LIMD1: variants seen among roughly 807,000 people sequenced by gnomAD.
The protein encoded by LIMD1 is LIM domain-containing protein 1.
LIMD1 carries 23 observed loss-of-function variants against 58.4 expected under a neutral mutation model. That is an observed-to-expected ratio of 0.39 (90% confidence interval 0.28 to 0.56). LIMD1 has a LOEUF of 0.56. LIMD1 is among the 20% of genes least tolerant of loss of function. The probability of loss-of-function intolerance (pLI) is 0.57; values close to 1 mark genes in which losing one functional copy is unlikely to be tolerated. For missense variants in LIMD1, 838 were observed against 855.5 expected, an observed-to-expected ratio of 0.98 and a Z score of 0.25; for synonymous variants, 334 against 345.5, an observed-to-expected ratio of 0.97 and a Z score of 0.37.
intron 7 of LIMD1, among the ~76,000 whole-genome samples, chr3:45,675,446 T>A (rs1697654547): frequency 6.6e-6 from 1 of 152,112 alleles, no homozygotes; most frequent in South Asian, 2.1e-4. Context: ...GGAGAATTGC[T>A]TGAACCTGGG....
chr3:45,669,797 A>G (rs961125232), intron 4 of LIMD1, among the ~76,000 whole-genome samples: 3 of 152,190 alleles, frequency 2.0e-5, no homozygotes, highest in Non-Finnish European at 2.9e-5. Context: ...ATATAGCACA[A>G]TTTATTTCTC....
At chr3:45,672,556 C>G (rs1697600337) in intron 4 of LIMD1, 134 bp from the exon 5 acceptor site, 4 of 975,388 alleles carry the variant, frequency 4.1e-6, no homozygotes, top group Non-Finnish European at 6.2e-6. Flanking sequence ...TTGCTCTTCT[C>G]CTAGGTGAAA....
chr3:45,642,214 C>T (rs915472045), intron 2 of LIMD1, among the ~76,000 whole-genome samples: 7 of 150,560 alleles, frequency 4.6e-5, no homozygotes, highest in Non-Finnish European at 8.9e-5. Context: ...CTTGCTCTGT[C>T]GTACAAGCTG....
At chr3:45,629,450 C>T (rs1026147469) in intron 1 of LIMD1, among the ~76,000 whole-genome samples, 10 of 149,974 alleles carry the variant, frequency 6.7e-5, no homozygotes, top group African/African-American at 2.5e-4. Context: ...AGAAATGTCA[C>T]AACATACTGA....
At chr3:45,654,383 GGTGA>G (rs1186921767) in intron 2 of LIMD1, among the ~76,000 whole-genome samples, 2 of 152,128 alleles carry the variant, frequency 1.3e-5, no homozygotes, top group Non-Finnish European at 2.9e-5. Context: ...AAGGAAGAGT[GGTGA>G]GTATTATTGC....
intron 2 of LIMD1, among the ~76,000 whole-genome samples, chr3:45,658,670 C>G (rs541704532): frequency 6.7e-6 from 1 of 149,558 alleles, no homozygotes; most frequent in African/African-American, 2.4e-5. Flanking sequence ...ATTCTCCTGC[C>G]TCAGCCTCCT....
At chr3:45,665,260 C>T (rs2125668630) in intron 2 of LIMD1, among the ~76,000 whole-genome samples, 1 of 152,098 alleles carries the variant, frequency 6.6e-6, no homozygotes, top group East Asian at 1.9e-4. Flanking sequence ...AGGTGACTGT[C>T]ATAAATGCCT....
intron 1 of LIMD1, among the ~76,000 whole-genome samples, chr3:45,623,357 G>A (rs1428883880): frequency 6.6e-6 from 1 of 152,184 alleles, no homozygotes; most frequent in Non-Finnish European, 1.5e-5. Flanking sequence ...GGAGTTGGGG[G>A]TGGGGTGCAG....
At chr3:45,618,339 A>G (rs1158846835) in intron 1 of LIMD1, among the ~76,000 whole-genome samples, 2 of 152,172 alleles carry the variant, frequency 1.3e-5, no homozygotes, top group African/African-American at 4.8e-5. Context: ...GCTCAGGTCA[A>G]AAGGGTGGCT....
intron 1 of LIMD1, among the ~76,000 whole-genome samples, chr3:45,625,913 T>C (rs1367508526): frequency 1.3e-5 from 2 of 152,210 alleles, no homozygotes; most frequent in Non-Finnish European, 2.9e-5. Context: ...TACTAAAATA[T>C]ACAGCCAGAG....
chr3:45,624,997 A>G (rs541605903), intron 1 of LIMD1, among the ~76,000 whole-genome samples: 2 of 151,456 alleles, frequency 1.3e-5, no homozygotes, highest in East Asian at 3.9e-4. Context: ...ATACCAATTC[A>G]GGGTAACTTA....
At chr3:45,623,708 T>A (rs1368892103) in intron 1 of LIMD1, among the ~76,000 whole-genome samples, 2 of 151,258 alleles carry the variant, frequency 1.3e-5, no homozygotes, top group Admixed American at 6.6e-5. Flanking sequence ...AGCTGCAGAG[T>A]GTGTGAGGGA....
rs1330222089 is a variant in LIMD1 at position 45,681,847 on chromosome 3, A to G, written c.*4788A>G. On this transcript the variant is annotated 3_prime_UTR_variant, in exon 8 of 8. Transcript: ENST00000273317. ...TTCTTTTACTGGACCTTTAAGATTG[A>G]GACTTGTAAGGTCCTGATGCAGTGA... 1 of 152,246 alleles carries G rather than the reference A, an allele frequency of 6.6e-6. No homozygotes were observed. 9.4% of individuals were successfully genotyped at this position (152,246 alleles called of 1,614,324 possible).
At chr3:45,676,165 G>C (rs1055507797) in intron 7 of LIMD1, among the ~76,000 whole-genome samples, 2 of 151,954 alleles carry the variant, frequency 1.3e-5, no homozygotes, top group Admixed American at 6.6e-5. Context: ...TTCCTTGAAC[G>C]GGGGAGGTGG....
At chr3:45,609,079 A>G (rs540872560) in intron 1 of LIMD1, among the ~76,000 whole-genome samples, 1 of 152,212 alleles carries the variant, frequency 6.6e-6, no homozygotes, top group East Asian at 1.9e-4. Context: ...AGTGGATGCT[A>G]CATAGGTATT....
Position 45,673,441 on chromosome 3 carries a change from T to G in LIMD1, c.1773-13T>G. The stretch of plus-strand genomic sequence containing the variant: ...AGAAGCAACATTTATTGCTGCTTTG[T>G]TTCTCCCCACAGGGTGCTGGCCCCC... On this transcript the variant is annotated splice_polypyrimidine_tract_variant and intron_variant, in intron 5 of 7. Transcript: ENST00000273317. The G allele has an allele frequency of 6.2e-7, 1 of 1,613,140 alleles. No homozygotes were observed. Among genetic ancestry groups the G allele is most frequent in the Non-Finnish European group, 8.5e-7 (1 of 1,179,214 alleles).
chr3:45,624,435 C>T (rs967709056), intron 1 of LIMD1, among the ~76,000 whole-genome samples: 17 of 152,026 alleles, frequency 1.1e-4, no homozygotes, highest in African/African-American at 1.5e-4. Context: ...CGGCCAGGCG[C>T]GGTGTCTCAC....
chr3:45,683,649 T>G lies in LIMD1; in HGVS notation c.*6590T>G, dbSNP rs1697771084. On this transcript the variant is annotated 3_prime_UTR_variant, in exon 8 of 8. Transcript: ENST00000273317. The stretch of plus-strand genomic sequence containing the variant: ...ACCAATCAAACTGATCATGGACCTC[T>G]GCTTCATTTACATAGGGTGTACACC... 1 of 152,242 alleles carries G rather than the reference T, an allele frequency of 6.6e-6. No individual in the cohort carries two copies. The highest frequency in any genetic ancestry group is 1.5e-5 in the Non-Finnish European group (1 of 68,042). 9.4% of individuals were successfully genotyped at this position (152,242 alleles called of 1,614,324 possible).
At chr3:45,597,070 C>T (rs1701364772) in intron 1 of LIMD1, among the ~76,000 whole-genome samples, 1 of 151,960 alleles carries the variant, frequency 6.6e-6, no homozygotes, top group Admixed American at 6.5e-5. Flanking sequence ...CTGCGCTAGC[C>T]AGGATGTTCT....
Sources: gnomAD v4.1 joint callset for allele counts (sites outside exome capture counted in the v4.1 genomes callset) on GRCh38, gnomAD v4.1.1 for gene constraint, MANE v1.5 for transcripts, NCBI Gene and HGNC (gene_info 2026-07-23, HGNC 2026-07-21) for gene names.